COMMD10: variants seen among roughly 807,000 people sequenced by gnomAD.
COMMD10 encodes the protein COMM domain containing 10, also known as COMM domain-containing protein 10.
Under a neutral mutation model 28.9 loss-of-function variants are expected in COMMD10, and 33 were observed. The ratio of observed to expected loss-of-function variants is 1.14; its 90% CI spans 0.87 to 1.53. The LOEUF is 1.53. COMMD10 is among the 40% of genes most tolerant of loss of function. COMMD10 has a pLI of 0.00. For synonymous variants in COMMD10, 110 were observed against 81.7 expected, an observed-to-expected ratio of 1.35 and a Z score of -1.87; for missense variants, 310 against 233.4, an observed-to-expected ratio of 1.33 and a Z score of -2.14.
Position 116,085,030 on chromosome 5 carries a change from G to C in COMMD10, c.-23G>C. Reference sequence around the variant, plus strand: ...CTGGGTTCGGCGCAGCTAACAGACGGCGGCAGTGCGAGAAAGCCGAAGATG... The same window carrying C: ...CTGGGTTCGGCGCAGCTAACAGACGCCGGCAGTGCGAGAAAGCCGAAGATG... On this transcript the variant is annotated 5_prime_UTR_variant, in exon 1 of 7. Transcript: ENST00000274458. 6.2e-7 allele frequency: 1 copy of C among 1,602,812 alleles called. No individual in the cohort carries two copies. Among genetic ancestry groups the C allele is most frequent in the East Asian group, 2.3e-5 (1 of 44,404 alleles).
chr5:116,126,499 G>A (rs953971707), intron 4 of COMMD10, among the ~76,000 whole-genome samples: 20 of 152,034 alleles, frequency 1.3e-4, no homozygotes, highest in Admixed American at 4.6e-4. Flanking sequence ...AAAGCTGGAA[G>A]CATCACATTA....
At chr5:116,137,661 A>G (rs908639892) in intron 5 of COMMD10, among the ~76,000 whole-genome samples, 5 of 151,984 alleles carry the variant, frequency 3.3e-5, no homozygotes, top group Non-Finnish European at 7.4e-5. Context: ...GGAGCTCCTT[A>G]TCTTCTTTTT....
chr5:116,246,146 C>CA (rs1445614292), intron 5 of COMMD10, among the ~76,000 whole-genome samples: 2 of 152,070 alleles, frequency 1.3e-5, no homozygotes, highest in Non-Finnish European at 2.9e-5. Context: ...TCTCAGAATA[C>CA]AACATGAGTG....
chr5:116,259,934 G>T (rs796964653), intron 5 of COMMD10, among the ~76,000 whole-genome samples: 2 of 151,650 alleles, frequency 1.3e-5, no homozygotes, highest in African/African-American at 2.4e-5. Flanking sequence ...TTAGCTGCAG[G>T]TTTCTCCAAT....
intron 4 of COMMD10, 106 bp downstream of exon 4, chr5:116,092,806 G>C: frequency 1.3e-6 from 1 of 767,772 alleles, no homozygotes; most frequent in Non-Finnish European, 1.9e-6. Context: ...GGTAGAGTCA[G>C]GCAAAAGAAA....
At chr5:116,207,403 A>G (rs574495503) in intron 5 of COMMD10, among the ~76,000 whole-genome samples, 1 of 152,138 alleles carries the variant, frequency 6.6e-6, no homozygotes, top group Non-Finnish European at 1.5e-5. Context: ...TACTTTCTGG[A>G]TTCTTCTTTT....
chr5:116,275,407 G>A (rs1448886973), intron 5 of COMMD10, among the ~76,000 whole-genome samples: 1 of 151,692 alleles, frequency 6.6e-6, no homozygotes, highest in Non-Finnish European at 1.5e-5. Flanking sequence ...AGTTCTACTA[G>A]GAATCCTTTA....
At chr5:116,125,838 A>G (rs1751611523) in intron 4 of COMMD10, among the ~76,000 whole-genome samples, 1 of 152,094 alleles carries the variant, frequency 6.6e-6, no homozygotes, top group Admixed American at 6.6e-5. Flanking sequence ...ATGGGCAAAA[A>G]CTGGAAGCAT....
At chr5:116,145,265 C>T (rs1752310009) in intron 5 of COMMD10, among the ~76,000 whole-genome samples, 1 of 151,786 alleles carries the variant, frequency 6.6e-6, no homozygotes, top group Non-Finnish European at 1.5e-5. Flanking sequence ...GTGCTGATTG[C>T]CCAATTGTGA....
At chr5:116,142,527 C>T (rs1238924648) in intron 5 of COMMD10, among the ~76,000 whole-genome samples, 3 of 151,706 alleles carry the variant, frequency 2.0e-5, no homozygotes, top group Non-Finnish European at 3.0e-5. Context: ...AAATGGCTTT[C>T]TGAAATCATT....
chr5:116,213,119 A>T (rs576759171), intron 5 of COMMD10, among the ~76,000 whole-genome samples: 4 of 152,094 alleles, frequency 2.6e-5, no homozygotes, highest in Non-Finnish European at 4.4e-5. Flanking sequence ...CTAGAATACC[A>T]TTATGATATA....
intron 4 of COMMD10, among the ~76,000 whole-genome samples, chr5:116,097,741 G>A (rs1750514303): frequency 6.6e-6 from 1 of 152,098 alleles, no homozygotes. Flanking sequence ...GGAGGCCTCA[G>A]GAAACTTACA....
chr5:116,157,557 C>G (rs564616176), intron 5 of COMMD10, among the ~76,000 whole-genome samples: 11 of 152,242 alleles, frequency 7.2e-5, no homozygotes, highest in Non-Finnish European at 1.3e-4. Flanking sequence ...CTTTGGAGAT[C>G]TGGTACAGAA....
intron 5 of COMMD10, among the ~76,000 whole-genome samples, chr5:116,290,920 G>A (rs749159925): frequency 4.6e-5 from 7 of 152,126 alleles, no homozygotes; most frequent in Non-Finnish European, 8.8e-5. Context: ...AGCATCTGTA[G>A]CACCCATAAA....
At chr5:116,194,836 C>G (rs866411954) in intron 5 of COMMD10, among the ~76,000 whole-genome samples, 1 of 152,056 alleles carries the variant, frequency 6.6e-6, no homozygotes, top group Non-Finnish European at 1.5e-5. Flanking sequence ...TACCCTAATA[C>G]CAAAATCAGG....
chr5:116,095,250 C>T (rs1750430373), intron 4 of COMMD10, among the ~76,000 whole-genome samples: 2 of 152,068 alleles, frequency 1.3e-5, no homozygotes, highest in Non-Finnish European at 2.9e-5. Flanking sequence ...ATGATCATTA[C>T]ACAGTCTATG....
At chr5:116,171,291 C>T (rs1043838574) in intron 5 of COMMD10, among the ~76,000 whole-genome samples, 2 of 152,128 alleles carry the variant, frequency 1.3e-5, no homozygotes, top group African/African-American at 4.8e-5. Context: ...CCATCTCACG[C>T]CAGTTGGAAT....
intron 5 of COMMD10, among the ~76,000 whole-genome samples, chr5:116,152,639 T>A (rs977585109): frequency 6.6e-6 from 1 of 152,218 alleles, no homozygotes; most frequent in East Asian, 1.9e-4. Context: ...AATAAGAGAA[T>A]AAAACATCTT....
intron 4 of COMMD10, among the ~76,000 whole-genome samples, chr5:116,112,431 G>A (rs1473238171): frequency 6.6e-6 from 1 of 151,594 alleles, no homozygotes; most frequent in African/African-American, 2.4e-5. Flanking sequence ...GGAGTCGCGT[G>A]CTGTCGCCAA....
Sources: gnomAD v4.1 joint callset for allele counts (sites outside exome capture counted in the v4.1 genomes callset) on GRCh38, gnomAD v4.1.1 for gene constraint, MANE v1.5 for transcripts, NCBI Gene and HGNC (gene_info 2026-07-23, HGNC 2026-07-21) for gene names.